Variants in ADGRB1 observed in about 807,000 individuals in gnomAD.
ADGRB1 encodes the protein brain-specific angiogenesis inhibitor 1.
A neutral mutation model predicts 175.7 loss-of-function variants in ADGRB1; 36 were observed. The ratio of observed to expected loss-of-function variants is 0.20; its 90% CI spans 0.16 to 0.27. ADGRB1 has a LOEUF of 0.27. Among genes scored for constraint, ADGRB1 ranks in the 10% least tolerant of loss-of-function variants. The pLI is 1.00. For missense variants in ADGRB1, 1,731 were observed against 2,255.3 expected, an observed-to-expected ratio of 0.77 and a Z score of 4.71; for synonymous variants, 1,054 against 979.4, an observed-to-expected ratio of 1.08 and a Z score of -1.42.
rs555588835 is a variant in ADGRB1, at chr8:142,484,236, A to G, written c.2199+191A>G. On this transcript the variant is annotated intron_variant, in intron 12 of 30. Transcript: ENST00000517894. ...TCCTAGCCTGTTTCCTCATTTGTCTAAGGACAGTCATTTATTTCCTGGGGC... is the reference window on the plus strand; with the variant it reads ...TCCTAGCCTGTTTCCTCATTTGTCTGAGGACAGTCATTTATTTCCTGGGGC... 1.3e-5 allele frequency among the ~76,000 whole-genome samples: 2 copies of G among 152,330 alleles called. 1 individual carries two copies. The highest frequency in any genetic ancestry group is 4.1e-4 in the South Asian group (2 of 4,832).
At chr8:142,484,095 C>T (rs1332485679) in intron 12 of ADGRB1, 50 bp downstream of exon 12, 3 of 1,529,608 alleles carry the variant, frequency 2.0e-6, no homozygotes, top group African/African-American at 2.8e-5. Flanking sequence ...GGTGCAGGCA[C>T]AGCTGGTGCC....
At chr8:142,465,241 T>C (rs927904137) in intron 2 of ADGRB1, among the ~76,000 whole-genome samples, 3 of 152,136 alleles carry the variant, frequency 2.0e-5, no homozygotes, top group African/African-American at 7.2e-5. Flanking sequence ...AGAGTGAAGG[T>C]CACTGCAGGT....
intron 1 of ADGRB1, among the ~76,000 whole-genome samples, chr8:142,452,630 G>C (rs1839421172): frequency 6.6e-6 from 1 of 152,192 alleles, no homozygotes; most frequent in Admixed American, 6.5e-5. Context: ...AGCGTGCTGG[G>C]TCTGCGGCGT....
chr8:142,481,737 A>T (rs927836665), intron 11 of ADGRB1, 26 bp downstream of exon 11: 4 of 1,499,278 alleles, frequency 2.7e-6, no homozygotes, highest in Non-Finnish European at 1.8e-6. Context: ...GGCATTTTGG[A>T]AGAGGGTGTC....
chr8:142,531,901 G>A lies in ADGRB1; in HGVS notation c.3399-1394G>A, dbSNP rs373985843. Among the ~76,000 whole-genome samples, 20 of 152,152 alleles carry A rather than the reference G, an allele frequency of 1.3e-4. 1 individual carries two copies. The highest frequency in any genetic ancestry group is 4.6e-4 in the African/African-American group (19 of 41,424). ...GAGATGACGACACAGATATCCCTTG[G>A]GGGCTGGGCCCTGCACAGGTGTTCT... On this transcript the variant is annotated intron_variant, in intron 24 of 30. Coordinates refer to ENST00000517894, the MANE Select transcript of ADGRB1 (RefSeq NM_001702.3).
Position 142,485,762 on chromosome 8 carries a change from G to A in ADGRB1, c.2308+998G>A, listed in dbSNP as rs140894995. On this transcript the variant is annotated intron_variant, in intron 13 of 30. Coordinates refer to ENST00000517894, the MANE Select transcript of ADGRB1 (RefSeq NM_001702.3). ...ACACACGCTTCAAACCCTGAGCACC[G>A]TGGTTACCCCACATGCTTCATAACC... Among the ~76,000 whole-genome samples the A allele has an allele frequency of 1.8e-4, 27 of 152,304 alleles. No homozygotes were observed. In the East Asian group the frequency reaches 2.7e-3, roughly 15 times the overall value.
rs375485868 is a variant in ADGRB1 at position 142,526,510 on chromosome 8, C to T, written c.3313-32C>T. Reference sequence around the variant, plus strand: ...GCCCCTGAGCCTACGGCGGCCCCCACCCCCACACCCCCACCACTCTCTGCC... The same window carrying T: ...GCCCCTGAGCCTACGGCGGCCCCCATCCCCACACCCCCACCACTCTCTGCC... On this transcript the variant is annotated intron_variant, in intron 23 of 30. Coordinates refer to ENST00000517894, the MANE Select transcript of ADGRB1 (RefSeq NM_001702.3). The T allele has an allele frequency of 4.7e-6, 6 of 1,267,012 alleles. 1 individual carries two copies. The highest frequency in any genetic ancestry group is 1.5e-5 in the African/African-American group (1 of 67,646). The allele number at this position is 1,267,012 out of a possible 1,614,324, so 78.5% of individuals were successfully genotyped here.
intron 22 of ADGRB1, among the ~76,000 whole-genome samples, chr8:142,523,366 G>C (rs62513301): frequency 6.7e-6 from 1 of 149,986 alleles, no homozygotes; most frequent in African/African-American, 2.5e-5. Context: ...AGTGGGGAGC[G>C]CGAGGCAGGA....
chr8:142,485,081 G>T (rs1487905460), intron 13 of ADGRB1, among the ~76,000 whole-genome samples: 1 of 152,228 alleles, frequency 6.6e-6, no homozygotes, highest in Non-Finnish European at 1.5e-5. Flanking sequence ...AGCTTTAGAG[G>T]CAGGGGCTGT....
rs1344362780 is a variant in ADGRB1 at position 142,489,078 on chromosome 8, C to T, written c.2496C>T (p.Tyr832=). 2 of 1,611,118 alleles carry T rather than the reference C, an allele frequency of 1.2e-6. No homozygotes were observed. Among genetic ancestry groups the T allele is most frequent in the Non-Finnish European group, 1.7e-6 (2 of 1,179,494 alleles). The part of the protein sequence containing the change: ...ASVFVVGTVL[Y]RNLGSFLALQ... ...TGTTTGTGGTGGGCACCGTGCTCTA[C>T]AGGAACCTGGGCAGCTTCCTGGCCC... Residue 832 remains tyrosine (Y), a synonymous_variant, in exon 15 of 31, where the codon TAC becomes TAT. Transcript: ENST00000517894.
chr8:142,477,852 C>T (rs1267758673), intron 6 of ADGRB1, among the ~76,000 whole-genome samples: 1 of 151,642 alleles, frequency 6.6e-6, no homozygotes, highest in African/African-American at 2.4e-5. Flanking sequence ...AGGGTTTTCA[C>T]ACCCATGTCC....
At chr8:142,476,801 T>C in intron 4 of ADGRB1, 106 bp downstream of exon 4, 1 of 1,167,774 alleles carries the variant, frequency 8.6e-7, no homozygotes, top group Non-Finnish European at 1.2e-6. Flanking sequence ...ATGCCATAAC[T>C]AGACTAAACC....
intron 14 of ADGRB1, among the ~76,000 whole-genome samples, chr8:142,488,769 A>G (rs1489603696): frequency 1.3e-5 from 2 of 152,158 alleles, no homozygotes; most frequent in Non-Finnish European, 2.9e-5. Context: ...TGTTACCTGG[A>G]AGAGAGCCAT....
chr8:142,475,709 G>A, intron 3 of ADGRB1, 74 bp downstream of exon 3: 2 of 714,828 alleles, frequency 2.8e-6, no homozygotes, highest in Non-Finnish European at 3.7e-6. Flanking sequence ...AGGGGGGTGG[G>A]GCCCTGGAGA....
rs1391229735 is a variant in ADGRB1, at chr8:142,493,525, C to G, written c.2675+2710C>G. ...GCGCTGAGTGCTAAGGTCTTGGTGC[C>G]TGGGTCCAGGACTTCAGGACAGGAG... On this transcript the variant is annotated intron_variant, in intron 17 of 30. Coordinates refer to ENST00000517894, the MANE Select transcript of ADGRB1 (RefSeq NM_001702.3). The surrounding 1 kb of genome is among the most constrained non-coding windows in gnomAD (Gnocchi z 5.0). Among the ~76,000 whole-genome samples, 2 of 152,212 alleles carry G rather than the reference C, an allele frequency of 1.3e-5. No homozygotes were observed. Among genetic ancestry groups the G allele is most frequent in the African/African-American group, 4.8e-5 (2 of 41,458 alleles).
Position 142,489,366 on chromosome 8 carries a change from C to T in ADGRB1, c.2559C>T (p.Ile853=), listed in dbSNP as rs2131875908. 1 of 1,612,974 alleles carries T rather than the reference C, an allele frequency of 6.2e-7. No individual in the cohort carries two copies. The highest frequency in any genetic ancestry group is 8.5e-7 in the Non-Finnish European group (1 of 1,179,836). Residue 853 remains isoleucine, a synonymous_variant, in exon 16 of 31, where the codon ATC becomes ATT. Transcript: ENST00000517894. ...RNTTVLNSKV[I]SVTVKPPPRS... is the part of the protein sequence containing the mutation. ...CGACCGTCCTGAATTCTAAGGTGAT[C>T]TCCGTGACTGTGAAACCCCCGCCTC... is the stretch of plus-strand genomic sequence containing the variant.
At chr8:142,505,193 A>G (rs1842795401) in intron 17 of ADGRB1, among the ~76,000 whole-genome samples, 1 of 152,202 alleles carries the variant, frequency 6.6e-6, no homozygotes, top group African/African-American at 2.4e-5. Context: ...GGATCTGGGC[A>G]CATTTCACAG....
rs1842019146 is a variant in ADGRB1, at chr8:142,492,296, CTCTGATGG to C, written c.2675+1482_2675+1489del. Among the ~76,000 whole-genome samples the C allele has an allele frequency of 6.6e-6, 1 of 152,204 alleles. No homozygotes were observed. On this transcript the variant is annotated intron_variant, in intron 17 of 30. Transcript: ENST00000517894. The surrounding 1 kb of genome is among the most constrained non-coding windows in gnomAD (Gnocchi z 4.4). ...CACCCTTCCTCCGGCGGTCACTACC[CTCTGATGG>C]GCACTATTCTGGCAGGTCCCAGCCT...
At position 142,543,113 on chromosome 8, in the gene ADGRB1, G is replaced by A. The variant is rs765588276; in HGVS notation, c.4414-290G>A. Among the ~76,000 whole-genome samples, 10 of 152,130 alleles carry A rather than the reference G, an allele frequency of 6.6e-5. No homozygotes were observed. Among genetic ancestry groups the A allele is most frequent in the Non-Finnish European group, 1.0e-4 (7 of 68,002 alleles). ...GCCCTGTGTCCCTGAGTTCTCTGTC[G>A]GGGGACCCAGCCATGTGGCCCCAAG... On this transcript the variant is annotated intron_variant, in intron 28 of 30. Transcript: ENST00000517894. This position sits in a 1 kb window ranked among gnomAD's most constrained non-coding sequence, Gnocchi z 4.4.
Sources: gnomAD v4.1 joint callset for allele counts (sites outside exome capture counted in the v4.1 genomes callset) on GRCh38, gnomAD v4.1.1 for gene constraint, Gnocchi (gnomAD v3.1) non-coding constraint, MANE v1.5 for transcripts, NCBI Gene and HGNC (gene_info 2026-07-23, HGNC 2026-07-21) for gene names.